Variants in GSTO2 observed in about 807,000 individuals in gnomAD.
GSTO2 encodes the protein glutathione S-transferase omega 2.
In GSTO2, 23 loss-of-function variants were observed where a neutral mutation model predicts 28.4. The ratio of observed to expected loss-of-function variants is 0.81; its 90% CI spans 0.58 to 1.15. GSTO2 has a LOEUF of 1.15. Among genes scored for constraint, GSTO2 ranks in the 50% most tolerant of loss-of-function variants. The pLI is 0.00. For missense variants in GSTO2, 298 were observed against 297.8 expected, an observed-to-expected ratio of 1.00 and a Z score of 0.00; for synonymous variants, 109 against 111.0, an observed-to-expected ratio of 0.98 and a Z score of 0.11.
chr10:104,274,008 C>T (rs975726555), intron 1 of GSTO2, among the ~76,000 whole-genome samples: 6 of 152,166 alleles, frequency 3.9e-5, no homozygotes, highest in South Asian at 2.1e-4. Flanking sequence ...TTTTTACCTG[C>T]TGAAATTCAG....
intron 1 of GSTO2, 122 bp downstream of exon 1, chr10:104,269,391 A>G (rs1359263697): frequency 1.3e-5 from 2 of 152,270 alleles, no homozygotes; most frequent in East Asian, 3.8e-4. Context: ...CTTTTGCCTA[A>G]CACTTTACGA....
chr10:104,275,046 G>A, intron 2 of GSTO2, 97 bp downstream of exon 2: 1 of 1,496,572 alleles, frequency 6.7e-7, no homozygotes, highest in South Asian at 1.3e-5. Flanking sequence ...CAGACCGGCG[G>A]GGCAGGAAGG....
In GSTO2 at chr10:104,296,783, TTTTTC is replaced by T. The variant is rs553787200; in HGVS notation, c.469-790_469-786del. ...CTTTCTTTTTTTCTTTTTCTTTTCT[TTTTTC>T]TTTTTTTCTTTTTTACTTTTTGCTC... On this transcript the variant is annotated intron_variant, in intron 5 of 6. Coordinates refer to ENST00000338595, the MANE Select transcript of GSTO2 (RefSeq NM_183239.2). 3 of 150,610 alleles carry T rather than the reference TTTTTC, an allele frequency of 2.0e-5. No individual in the cohort carries two copies. The East Asian group carries it at 5.8e-4, about 29-fold the overall frequency. The allele number at this position is 150,610 out of a possible 1,614,324, so 9.3% of individuals were successfully genotyped here. A position where few individuals can be genotyped will look rare whatever the true frequency, so the allele number is the denominator to read the frequency against.
chr10:104,286,534 G>A (rs2012433040), intron 5 of GSTO2, among the ~76,000 whole-genome samples: 1 of 152,178 alleles, frequency 6.6e-6, no homozygotes, highest in Non-Finnish European at 1.5e-5. Flanking sequence ...CACCATGCAG[G>A]TTTTTGCATG....
At chr10:104,282,378 C>A (rs891811226) in intron 5 of GSTO2, among the ~76,000 whole-genome samples, 1 of 151,754 alleles carries the variant, frequency 6.6e-6, no homozygotes, top group Non-Finnish European at 1.5e-5. Context: ...CATGGCAAAC[C>A]TCCATCTCTT....
At chr10:104,273,434 C>CA (rs887822411) in intron 1 of GSTO2, among the ~76,000 whole-genome samples, 3 of 152,100 alleles carry the variant, frequency 2.0e-5, no homozygotes, top group African/African-American at 7.2e-5. Flanking sequence ...TGAATGACAG[C>CA]AAAAAATGTA....
chr10:104,282,987 TAAAAG>T (rs953283724), intron 5 of GSTO2, among the ~76,000 whole-genome samples: 8 of 152,294 alleles, frequency 5.3e-5, no homozygotes, highest in South Asian at 2.1e-4. Flanking sequence ...AATTTTCTCT[TAAAAG>T]AGAAAGAAAA....
chr10:104,275,319 A>G lies in GSTO2; in HGVS notation c.128A>G (p.Lys43Arg). Reference sequence around the variant, plus strand: ...TCTCACAGGACCCGCCTCGTCCTCAAGGCCAAAGACATCAGGTGAGAAGCG... The same window carrying G: ...TCTCACAGGACCCGCCTCGTCCTCAGGGCCAAAGACATCAGGTGAGAAGCG... ...PYSHRTRLVL[K>R]AKDIRHEVVN... Residue 43 changes from lysine (K) to arginine (R), a missense_variant, in exon 3 of 7, where the codon AAG (lysine) becomes AGG (arginine). Transcript: ENST00000338595. 1.9e-6 allele frequency: 3 copies of G among 1,613,982 alleles called. No individual in the cohort carries two copies. Among genetic ancestry groups the G allele is most frequent in the Non-Finnish European group, 2.5e-6 (3 of 1,179,942 alleles).
intron 5 of GSTO2, among the ~76,000 whole-genome samples, chr10:104,283,229 C>G (rs1462179455): frequency 6.6e-6 from 1 of 152,200 alleles, no homozygotes; most frequent in Admixed American, 6.5e-5. Flanking sequence ...ACTAACCAGC[C>G]TCGGTGTAGG....
At chr10:104,293,918 C>T (rs1564852289) in intron 5 of GSTO2, among the ~76,000 whole-genome samples, 1 of 152,120 alleles carries the variant, frequency 6.6e-6, no homozygotes, top group Non-Finnish European at 1.5e-5. Flanking sequence ...GTGTTAGTTC[C>T]AGTGCAAACC....
rs1417207328 is a variant in GSTO2, at chr10:104,299,367, G to A, written c.*83G>A. Reference sequence around the variant, plus strand: ...CACGGCTTGTCTTGGGAACCAATCCGTCTCTCTTTCTTTTCTTTGAAGTTC... The same window carrying A: ...CACGGCTTGTCTTGGGAACCAATCCATCTCTCTTTCTTTTCTTTGAAGTTC... On this transcript the variant is annotated 3_prime_UTR_variant, in exon 7 of 7. Coordinates refer to ENST00000338595, the MANE Select transcript of GSTO2 (RefSeq NM_183239.2). 28 of 1,448,232 alleles carry A rather than the reference G, an allele frequency of 1.9e-5. No homozygotes were observed. Among genetic ancestry groups the A allele is most frequent in the South Asian group, 7.5e-5 (6 of 80,320 alleles). The allele number at this position is 1,448,232 out of a possible 1,614,324, so 89.7% of individuals were successfully genotyped here. A position where few individuals can be genotyped will look rare whatever the true frequency, so the allele number is the denominator to read the frequency against.
In GSTO2 at chr10:104,272,059, A is replaced by G. The variant is rs2011431459; in HGVS notation, c.-231-2626A>G. ...AAGAGTGAGCCCTAATATATTAACTATGGATGTTGGGTGATAATATGTCAA... is the reference window on the plus strand; with the variant it reads ...AAGAGTGAGCCCTAATATATTAACTGTGGATGTTGGGTGATAATATGTCAA... On this transcript the variant is annotated intron_variant, in intron 1 of 6. Coordinates refer to ENST00000338595, the MANE Select transcript of GSTO2 (RefSeq NM_183239.2). Among the ~76,000 whole-genome samples, 3 of 152,182 alleles carry G rather than the reference A, an allele frequency of 2.0e-5. No individual in the cohort carries two copies. The South Asian group carries it at 6.2e-4, about 31-fold the overall frequency.
chr10:104,288,755 A>G (rs1387577740), intron 5 of GSTO2, among the ~76,000 whole-genome samples: 2 of 152,166 alleles, frequency 1.3e-5, no homozygotes, highest in Non-Finnish European at 2.9e-5. Flanking sequence ...TTCTTTGTTG[A>G]TTTGTAAAAG....
Position 104,299,286 on chromosome 10 carries a change from TC to T in GSTO2, c.*3del. The T allele has an allele frequency of 6.2e-7, 1 of 1,613,962 alleles. No homozygotes were observed. Among genetic ancestry groups the T allele is most frequent in the South Asian group, 1.1e-5 (1 of 91,012 alleles). On this transcript the variant is annotated 3_prime_UTR_variant, in exon 7 of 7. Transcript: ENST00000338595. ...GCCTTTGACTTTGGGCTGTGCTGAG[TC>T]TCACTGTCCACCCCTTCGCTGTCCA...
At chr10:104,274,142 T>G (rs529668460) in intron 1 of GSTO2, among the ~76,000 whole-genome samples, 3 of 152,160 alleles carry the variant, frequency 2.0e-5, no homozygotes, top group East Asian at 1.9e-4. Flanking sequence ...CTAGTAAGAG[T>G]GTTCTCAAAA....
At chr10:104,284,793 A>C (rs537336242) in intron 5 of GSTO2, among the ~76,000 whole-genome samples, 1 of 152,312 alleles carries the variant, frequency 6.6e-6, no homozygotes, top group Non-Finnish European at 1.5e-5. Context: ...AATCAAGTCC[A>C]AGTGCAGTGA....
At chr10:104,279,519 G>A (rs2011883524) in intron 5 of GSTO2, 48 bp downstream of exon 5, 1 of 1,363,674 alleles carries the variant, frequency 7.3e-7, no homozygotes, top group Non-Finnish European at 1.0e-6. Flanking sequence ...GAGGAAGCTA[G>A]GCAGGGTCGC....
chr10:104,270,059 G>C (rs1025682847), intron 1 of GSTO2, among the ~76,000 whole-genome samples: 3 of 151,706 alleles, frequency 2.0e-5, no homozygotes. Flanking sequence ...TTCTGCCCAG[G>C]CCGGACTGCA....
chr10:104,298,435 T>C (rs907310064), intron 6 of GSTO2, among the ~76,000 whole-genome samples: 1 of 152,250 alleles, frequency 6.6e-6, no homozygotes, highest in Non-Finnish European at 1.5e-5. Flanking sequence ...CACTTCCGAC[T>C]TCAGCTCTCT....
Sources: allele counts gnomAD v4.1 joint callset (sites outside exome capture counted in the v4.1 genomes callset), GRCh38; gene constraint gnomAD v4.1.1; transcripts MANE v1.5; gene names NCBI Gene and HGNC (gene_info 2026-07-23, HGNC 2026-07-21).